Variants in MXRA8 observed in about 807,000 individuals in gnomAD.
The protein encoded by MXRA8 is matrix remodeling-associated protein 8.
Under a neutral mutation model 51.4 loss-of-function variants are expected in MXRA8, and 44 were observed. The ratio of observed to expected loss-of-function variants is 0.86; its 90% CI spans 0.67 to 1.10. MXRA8 has a LOEUF of 1.10. MXRA8 is among the 50% of genes least tolerant of loss of function. The probability of loss-of-function intolerance (pLI) is 0.00; values close to 1 mark genes in which losing one functional copy is unlikely to be tolerated. For missense variants in MXRA8, 765 were observed against 638.9 expected, an observed-to-expected ratio of 1.20 and a Z score of -2.13; for synonymous variants, 369 against 293.5, an observed-to-expected ratio of 1.26 and a Z score of -2.63.
chr1:1,354,472 G>A lies in MXRA8; in HGVS notation c.987C>T (p.Val329=). The A allele has an allele frequency of 6.2e-7, 1 of 1,612,400 alleles. No homozygotes were observed. Among genetic ancestry groups the A allele is most frequent in the South Asian group, 1.1e-5 (1 of 91,084 alleles). ...TLARGHNVIN[V]IVPESRAHFF... is the part of the protein sequence containing the mutation. ...AGTGGGCTCGGCTCTCGGGGACGAT[G>A]ACATTGATGACGTTGTGGCCGCGCG... The change falls in exon 6 of 10, where the codon GTC becomes GTT. Residue 329 remains valine, a synonymous_variant. Coordinates refer to ENST00000309212, the MANE Select transcript of MXRA8 (RefSeq NM_032348.4).
chr1:1,353,061 C>G lies in MXRA8; in HGVS notation c.*543G>C. On this transcript the variant is annotated 3_prime_UTR_variant, in exon 10 of 10. Coordinates refer to ENST00000309212, the MANE Select transcript of MXRA8 (RefSeq NM_032348.4). ...GGGGAGAACAGATGGTGCCTGGAGT[C>G]CCACATGGTGGTACAGGTGGGGGAG... 3.3e-6 allele frequency: 2 copies of G among 605,306 alleles called. No homozygotes were observed. Among genetic ancestry groups the G allele is most frequent in the South Asian group, 4.0e-5 (2 of 50,328 alleles). The allele number at this position is 605,306 out of a possible 1,614,324, so 37.5% of individuals were successfully genotyped here. A position where few individuals can be genotyped will look rare whatever the true frequency, so the allele number is the denominator to read the frequency against.
intron 1 of MXRA8, 117 bp downstream of exon 1, chr1:1,358,339 C>G (rs955798554): frequency 8.4e-7 from 1 of 1,191,462 alleles, no homozygotes; most frequent in Non-Finnish European, 1.2e-6. Flanking sequence ...CGTCCTCTTC[C>G]CTGGTGGGAC....
Position 1,354,778 on chromosome 1 carries a change from G to A in MXRA8, c.853C>T (p.Arg285Cys), listed in dbSNP as rs1471814990. 6 of 1,612,020 alleles carry A rather than the reference G, an allele frequency of 3.7e-6. No homozygotes were observed. The South Asian group carries it at 5.5e-5, about 15-fold the overall frequency. The change falls in exon 5 of 10, where the codon CGC becomes TGC. Residue 285 changes from arginine to cysteine, a missense_variant. Physicochemically the swap from Arg to Cys is radical, Grantham distance 180. Coordinates refer to ENST00000309212, the MANE Select transcript of MXRA8 (RefSeq NM_032348.4). ...TCGGCGACCGTCAGGTGGAAGACGC[G>A]GCGTTCGTGCAGGCCACAGTAATGG... ...HHHYCGLHER[R>C]VFHLTVAEPH...
chr1:1,354,961 C>T lies in MXRA8; in HGVS notation c.670G>A (p.Asp224Asn), dbSNP rs1241004512. Reference sequence around the variant, plus strand: ...CGGCGCTCGCCCGACGCGTAGAGGTCCAGCAGGCGGTCCGCGCGGTCGTGC... The same window carrying T: ...CGGCGCTCGCCCGACGCGTAGAGGTTCAGCAGGCGGTCCGCGCGGTCGTGC... ...VPHDRADRLL[D>N]LYASGERRAY... The change falls in exon 5 of 10, where the codon GAC becomes AAC. Residue 224 changes from aspartate (D) to asparagine (N), a missense_variant. Transcript: ENST00000309212. The T allele has an allele frequency of 1.3e-6, 2 of 1,599,494 alleles. No homozygotes were observed. Among genetic ancestry groups the T allele is most frequent in the Non-Finnish European group, 1.7e-6 (2 of 1,174,204 alleles).
Position 1,354,954 on chromosome 1 carries a change from T to C in MXRA8, c.677A>G (p.Tyr226Cys), listed in dbSNP as rs747411515. The change falls in exon 5 of 10, where the codon TAC becomes TGC. Residue 226 changes from tyrosine (Y) to cysteine (C), a missense_variant. By Grantham distance (194) the Tyr-to-Cys change is radical (BLOSUM62 -2). Coordinates refer to ENST00000309212, the MANE Select transcript of MXRA8 (RefSeq NM_032348.4). ...HDRADRLLDLYASGERRAYGP... is the reference protein window; with the variant it reads ...HDRADRLLDLCASGERRAYGP... ...GTAGGCGCGGCGCTCGCCCGACGCGTAGAGGTCCAGCAGGCGGTCCGCGCG... is the reference window on the plus strand; with the variant it reads ...GTAGGCGCGGCGCTCGCCCGACGCGCAGAGGTCCAGCAGGCGGTCCGCGCG... 2 of 1,600,454 alleles carry C rather than the reference T, an allele frequency of 1.2e-6. No homozygotes were observed. Among genetic ancestry groups the C allele is most frequent in the Non-Finnish European group, 1.7e-6 (2 of 1,174,602 alleles).
intron 1 of MXRA8, 149 bp downstream of exon 1, chr1:1,358,307 C>A (rs1644173041): frequency 2.4e-6 from 2 of 818,944 alleles, no homozygotes. Flanking sequence ...TGGCAAGCGG[C>A]TCTCCCGAGC....
upstream of MXRA8, chr1:1,359,247 C>T (rs1435100437): frequency 4.1e-6 from 4 of 985,278 alleles, no homozygotes; most frequent in Non-Finnish European, 4.8e-6. Context: ...CCTGGGGCTG[C>T]CCGCCTTTAG....
chr1:1,354,797 G>A lies in MXRA8; in HGVS notation c.834C>T (p.Tyr278=). The A allele has an allele frequency of 6.2e-7, 1 of 1,612,294 alleles. No homozygotes were observed. The highest frequency in any genetic ancestry group is 2.2e-5 in the East Asian group (1 of 44,858). Residue 278 remains tyrosine, a synonymous_variant, in exon 5 of 10, where the codon TAC becomes TAT. Coordinates refer to ENST00000309212, the MANE Select transcript of MXRA8 (RefSeq NM_032348.4). ...AGACGCGGCGTTCGTGCAGGCCACA[G>A]TAATGGTGGTGCAGGTGGCAGGAGT... ...GTYSCHLHHH[Y]CGLHERRVFH... is the part of the protein sequence containing the mutation.
At chr1:1,358,199 G>A (rs1191217611) in intron 1 of MXRA8, among the ~76,000 whole-genome samples, 2 of 152,310 alleles carry the variant, frequency 1.3e-5, no homozygotes, top group Non-Finnish European at 2.9e-5. Flanking sequence ...CGAGGGAGAC[G>A]CCGCCGTGCC....
chr1:1,356,788 C>G (rs1286674459), intron 1 of MXRA8, 84 bp from the exon 2 acceptor site: 4 of 1,229,876 alleles, frequency 3.3e-6, no homozygotes, highest in African/African-American at 1.6e-5. Flanking sequence ...AGAGTCCCTC[C>G]TGTAGTCCCA....
chr1:1,354,668 G>T lies in MXRA8; in HGVS notation c.949+14C>A. ...GGCTCCCGCCTTCCCGGGTCCCAGG[G>T]AGGCCTCCTTCACCTGGGCCTGGGG... On this transcript the variant is annotated intron_variant, in intron 5 of 9. Coordinates refer to ENST00000309212, the MANE Select transcript of MXRA8 (RefSeq NM_032348.4). The T allele has an allele frequency of 1.3e-6, 2 of 1,556,910 alleles. No individual in the cohort carries two copies. Among genetic ancestry groups the T allele is most frequent in the Non-Finnish European group, 1.7e-6 (2 of 1,153,502 alleles).
At chr1:1,360,931 GAC>G (rs370671944), upstream of MXRA8, among the ~76,000 whole-genome samples, 714 of 151,802 alleles carry the variant, frequency 4.7e-3, 5 homozygotes, top group South Asian at 0.012. Flanking sequence ...GACACATGGA[GAC>G]ACAGACACGC....
upstream of MXRA8, chr1:1,359,230 C>T (rs951022299): frequency 5.1e-6 from 5 of 985,262 alleles, no homozygotes; most frequent in African/African-American, 7.0e-5. Context: ...CCCTGCTGGC[C>T]CCGTCCCCTG....
At chr1:1,357,471 G>A (rs1035088052) in intron 1 of MXRA8, among the ~76,000 whole-genome samples, 5 of 151,952 alleles carry the variant, frequency 3.3e-5, no homozygotes, top group Non-Finnish European at 5.9e-5. Context: ...CACAGTCAGC[G>A]TGGCCCCACG....
At position 1,354,371 on chromosome 1, in the gene MXRA8, G is replaced by T; in HGVS notation, c.1088C>A (p.Ala363Asp). 1 of 1,611,616 alleles carries T rather than the reference G, an allele frequency of 6.2e-7. No homozygotes were observed. The highest frequency in any genetic ancestry group is 8.5e-7 in the Non-Finnish European group (1 of 1,179,548). ...AGCCTCACCTCCGCGGCGCCTGCGG[G>T]CGGCCAGGAGGACAGTGACCAGTAG... ...ILLLVTVLLA[A>D]RRRRGGYEYS... is the part of the protein sequence containing the mutation. Residue 363 changes from alanine (A) to aspartate (D), a missense_variant, in exon 6 of 10, where the codon GCC (alanine) becomes GAC (aspartate). Transcript: ENST00000309212.
intron 1 of MXRA8, among the ~76,000 whole-genome samples, chr1:1,358,240 C>A (rs374216840): frequency 6.6e-6 from 1 of 152,202 alleles, no homozygotes; most frequent in African/African-American, 2.4e-5. Context: ...GCCCTCTGGG[C>A]TTCAACTCCC....
upstream of MXRA8, among the ~76,000 whole-genome samples, chr1:1,360,008 A>T (rs1644200736): frequency 6.6e-6 from 1 of 151,594 alleles, no homozygotes; most frequent in South Asian, 2.1e-4. Context: ...TCCTTCCGTC[A>T]CTCTCCCTGT....
At chr1:1,358,794 T>C, upstream of MXRA8, 12 of 1,184,830 alleles carry the variant, frequency 1.0e-5, no homozygotes, top group Non-Finnish European at 1.3e-5. Flanking sequence ...TCCGAGGACA[T>C]GGGCCCCTGA....
chr1:1,361,023 CACAT>C (rs1038903349), upstream of MXRA8, among the ~76,000 whole-genome samples: 9 of 151,346 alleles, frequency 5.9e-5, no homozygotes, highest in African/African-American at 1.9e-4. Context: ...CAGACACATA[CACAT>C]GCATGCACAT....
Sources: gnomAD v4.1 joint callset for allele counts (sites outside exome capture counted in the v4.1 genomes callset) on GRCh38, gnomAD v4.1.1 for gene constraint, MANE v1.5 for transcripts, NCBI Gene and HGNC (gene_info 2026-07-23, HGNC 2026-07-21) for gene names.